The following EML6 variants were observed in gnomAD, a reference collection of about 807,000 sequenced individuals.
EML6 encodes the protein EMAP like 6.
In EML6, 154 loss-of-function variants were observed where a neutral mutation model predicts 240.1. The observed-to-expected ratio is 0.64, with a 90% CI of 0.56 to 0.73. The LOEUF is 0.73. EML6 is among the 30% of genes least tolerant of loss of function. The pLI, the probability that EML6 is intolerant of heterozygous loss-of-function variation, is 0.00. For missense variants in EML6, 2,964 were observed against 2,474.6 expected (o/e 1.20, Z -4.20); for synonymous variants, 1,148 against 899.0 (o/e 1.28, Z -4.95).
At chr2:54,727,985 T>C (rs1267073859) in intron 2 of EML6, among the ~76,000 whole-genome samples, 1 of 152,220 alleles carries the variant, frequency 6.6e-6, no homozygotes, top group Non-Finnish European at 1.5e-5. Context: ...ACAGGCTATA[T>C]GTCTAAGTCA....
chr2:54,730,589 G>C (rs1683110299), intron 2 of EML6, among the ~76,000 whole-genome samples: 1 of 152,204 alleles, frequency 6.6e-6, no homozygotes, highest in African/African-American at 2.4e-5. Flanking sequence ...GAGGGGAAGA[G>C]ATTTAATCAG....
At chr2:54,946,363 T>C (rs1333912526) in intron 28 of EML6, among the ~76,000 whole-genome samples, 1 of 152,202 alleles carries the variant, frequency 6.6e-6, no homozygotes, top group African/African-American at 2.4e-5. Context: ...CTCGCACTCC[T>C]GTCCTGTGCC....
chr2:54,861,373 A>C (rs998118480), intron 12 of EML6, among the ~76,000 whole-genome samples: 1 of 152,160 alleles, frequency 6.6e-6, no homozygotes, highest in African/African-American at 2.4e-5. Flanking sequence ...GTAGAGGTAC[A>C]ATGGGCCCAC....
rs751086288 is a variant in EML6 at position 54,869,316 on chromosome 2, C to T, written c.2187C>T (p.Asp729=). 126 of 1,551,574 alleles carry T rather than the reference C, an allele frequency of 8.1e-5. No individual in the cohort carries two copies. Among genetic ancestry groups the T allele is most frequent in the Non-Finnish European group, 1.1e-4 (126 of 1,146,962 alleles). The part of the protein sequence containing the change: ...SQRLYLGHDD[D]ILSLTIHPVK... Reference sequence around the variant, plus strand: ...GGCTGTACCTGGGGCACGATGACGACATTCTCAGCCTGACCATCCATCCAG... The same window carrying T: ...GGCTGTACCTGGGGCACGATGACGATATTCTCAGCCTGACCATCCATCCAG... Residue 729 remains aspartate (D), a synonymous_variant, in exon 15 of 42, where the codon GAC becomes GAT. Transcript: ENST00000356458.
At chr2:54,885,596 C>T (rs1672084242) in intron 17 of EML6, among the ~76,000 whole-genome samples, 1 of 152,014 alleles carries the variant, frequency 6.6e-6, no homozygotes, top group South Asian at 2.1e-4. Context: ...GCTCCAATAT[C>T]CATATTCACT....
At chr2:54,726,016 T>C (rs1274429923) in intron 2 of EML6, among the ~76,000 whole-genome samples, 1 of 152,198 alleles carries the variant, frequency 6.6e-6, no homozygotes, top group Non-Finnish European at 1.5e-5. Context: ...GGAAAGGGGT[T>C]ATATTGTGAT....
intron 34 of EML6, among the ~76,000 whole-genome samples, chr2:54,959,598 C>A (rs1433387762): frequency 6.6e-6 from 1 of 151,992 alleles, no homozygotes; most frequent in Non-Finnish European, 1.5e-5. Context: ...CCTGACTCTA[C>A]TGAAAATACA....
chr2:54,802,631 T>TACTACTACCACC (rs1273364268), intron 2 of EML6, among the ~76,000 whole-genome samples: 2 of 109,274 alleles, frequency 1.8e-5, no homozygotes, highest in Non-Finnish European at 4.4e-5. Flanking sequence ...CTACTACTAC[T>TACTACTACCACC]ACTACTACTA....
At chr2:54,952,066 G>A (rs997851071) in intron 30 of EML6, among the ~76,000 whole-genome samples, 4 of 152,210 alleles carry the variant, frequency 2.6e-5, no homozygotes, top group African/African-American at 9.6e-5. Flanking sequence ...CCAGGGTAAA[G>A]CCATCACCTG....
chr2:54,842,331 G>A (rs975541046), intron 7 of EML6, among the ~76,000 whole-genome samples: 4 of 152,106 alleles, frequency 2.6e-5, no homozygotes, highest in African/African-American at 9.7e-5. Flanking sequence ...CTATTTAGTA[G>A]GTCTTTCAAC....
chr2:54,834,451 G>C (rs987693703), intron 7 of EML6, among the ~76,000 whole-genome samples: 1 of 152,234 alleles, frequency 6.6e-6, no homozygotes, highest in African/African-American at 2.4e-5. Flanking sequence ...TCTGTCTAAA[G>C]GAATACAGTA....
Position 54,787,274 on chromosome 2 carries a change from GTCAA to G in EML6, c.198-25956_198-25953del, listed in dbSNP as rs1298639632. Among the ~76,000 whole-genome samples, 5 of 126,824 alleles carry G rather than the reference GTCAA, an allele frequency of 3.9e-5. No homozygotes were observed. The South Asian group carries it at 1.3e-3, about 34-fold the overall frequency. The allele number at this position is 126,824 out of a possible 152,430, so 83.2% of individuals were successfully genotyped here. A position where few individuals can be genotyped will look rare whatever the true frequency, so the allele number is the denominator to read the frequency against. ...ACAAGGCTCCCATGGTCTGAGCCTT[GTCAA>G]TGAGATGGGTGAGGGTTGGGGGGGG... On this transcript the variant is annotated intron_variant, in intron 2 of 41. Transcript: ENST00000356458.
intron 28 of EML6, among the ~76,000 whole-genome samples, chr2:54,932,721 G>C (rs1674926535): frequency 2.0e-5 from 3 of 151,756 alleles, no homozygotes; most frequent in Admixed American, 2.0e-4. Context: ...CATGAGGTAT[G>C]GTGCCCAAAT....
chr2:54,791,217 C>T (rs1371783496), intron 2 of EML6, among the ~76,000 whole-genome samples: 1 of 152,068 alleles, frequency 6.6e-6, no homozygotes, highest in Non-Finnish European at 1.5e-5. Flanking sequence ...CGTGGGAACA[C>T]AGATGATGCC....
chr2:54,774,133 A>C lies in EML6; in HGVS notation c.198-39099A>C, dbSNP rs1668504987. ...ATGGTTGAATGGCCACACCCAGCAG[A>C]CTCCAAGGGAAGCTAGGAAATGTCT... On this transcript the variant is annotated intron_variant, in intron 2 of 41. Coordinates refer to ENST00000356458, the MANE Select transcript of EML6 (RefSeq NM_001039753.4). This position sits in a 1 kb window ranked among gnomAD's most constrained non-coding sequence, Gnocchi z 4.1. Among the ~76,000 whole-genome samples, 1 of 152,058 alleles carries C rather than the reference A, an allele frequency of 6.6e-6. No homozygotes were observed. The highest frequency in any genetic ancestry group is 2.4e-5 in the African/African-American group (1 of 41,396).
intron 2 of EML6, among the ~76,000 whole-genome samples, chr2:54,804,733 C>G (rs1161280736): frequency 6.6e-6 from 1 of 152,210 alleles, no homozygotes. Flanking sequence ...TCTAGTCTTT[C>G]CTATCTGCAA....
chr2:54,835,208 C>T (rs1028309314), intron 7 of EML6, among the ~76,000 whole-genome samples: 2 of 152,210 alleles, frequency 1.3e-5, no homozygotes, highest in Non-Finnish European at 2.9e-5. Context: ...CCCCTTCTCC[C>T]GGGTTTACCT....
intron 2 of EML6, among the ~76,000 whole-genome samples, chr2:54,806,185 A>G (rs556760943): frequency 6.6e-6 from 1 of 152,230 alleles, no homozygotes; most frequent in Admixed American, 6.5e-5. Context: ...CTCCTTAGGG[A>G]GGCATCTTCA....
intron 28 of EML6, among the ~76,000 whole-genome samples, chr2:54,935,953 C>G (rs929429764): frequency 1.3e-5 from 2 of 152,142 alleles, no homozygotes; most frequent in African/African-American, 2.4e-5. Flanking sequence ...TCCCTTGAGG[C>G]CAGGAGTTCA....
Sources: allele counts gnomAD v4.1 joint callset (sites outside exome capture counted in the v4.1 genomes callset), GRCh38; gene constraint gnomAD v4.1.1; non-coding constraint Gnocchi (gnomAD v3.1); transcripts MANE v1.5; gene names NCBI Gene and HGNC (gene_info 2026-07-23, HGNC 2026-07-21).